DAAM1: variants seen among roughly 807,000 people sequenced by gnomAD.
DAAM1 encodes dishevelled associated activator of morphogenesis 1.
In DAAM1, 52 loss-of-function variants were observed where a neutral mutation model predicts 130.0. The observed-to-expected ratio is 0.40, with a 90% CI of 0.32 to 0.50. The LOEUF is 0.50. Ranked by LOEUF, DAAM1 falls within the 20% of genes least tolerant of loss-of-function variation. DAAM1 has a pLI of 0.61. For synonymous variants in DAAM1, 452 were observed against 444.5 expected (o/e 1.02, Z -0.21); for missense variants, 1,134 against 1,303.8 (o/e 0.87, Z 2.01).
chr14:59,360,723 C>A, intron 21 of DAAM1, 79 bp from the exon 22 acceptor site: 1 of 1,218,334 alleles, frequency 8.2e-7, no homozygotes, highest in Non-Finnish European at 1.1e-6. Context: ...GACTTCCAAG[C>A]GTGAAATATT....
chr14:59,358,450 G>C (rs1886570165), intron 20 of DAAM1, among the ~76,000 whole-genome samples: 1 of 152,198 alleles, frequency 6.6e-6, no homozygotes, highest in Admixed American at 6.5e-5. Context: ...AGGGCTGCTA[G>C]GATATCACAT....
intron 20 of DAAM1, chr14:59,357,453 G>A (rs1242600073): frequency 2.0e-5 from 3 of 152,114 alleles, no homozygotes; most frequent in Non-Finnish European, 4.4e-5. Flanking sequence ...GAATCACATG[G>A]GCAGATGACA....
intron 3 of DAAM1, among the ~76,000 whole-genome samples, chr14:59,293,168 G>A (rs1883816958): frequency 6.6e-6 from 1 of 152,178 alleles, no homozygotes; most frequent in African/African-American, 2.4e-5. Context: ...CAATACAAAG[G>A]AGGGATTGAG....
chr14:59,353,500 TTC>T (rs1299158689), intron 18 of DAAM1, among the ~76,000 whole-genome samples: 1 of 152,224 alleles, frequency 6.6e-6, no homozygotes, highest in Non-Finnish European at 1.5e-5. Flanking sequence ...CAGTAGGGTA[TTC>T]TTTACATTTT....
At chr14:59,266,165 AAAAAGAAAAAAAAAAGTCAACC>A (rs1882429595) in intron 2 of DAAM1, 3 of 152,180 alleles carry the variant, frequency 2.0e-5, no homozygotes, top group Non-Finnish European at 4.4e-5. Flanking sequence ...TTGGATTAAA[AAAAAGAAAAAAAAAAGTCAACC>A]AAAGGACATA....
Position 59,321,260 on chromosome 14 carries a change from C to T in DAAM1, c.440+676C>T, listed in dbSNP as rs188990245. Among the ~76,000 whole-genome samples, 44 of 152,222 alleles carry T rather than the reference C, an allele frequency of 2.9e-4. No individual in the cohort carries two copies. In the East Asian group the frequency reaches 7.9e-3, roughly 27 times the overall value. On this transcript the variant is annotated intron_variant, in intron 5 of 24. Coordinates refer to ENST00000360909, the MANE Select transcript of DAAM1 (RefSeq NM_001270520.2). ...ATTTATAAGAAATTCCCAGAATAGG[C>T]CAATCCATAGAAACAGAAAGTAGAT...
intron 1 of DAAM1, among the ~76,000 whole-genome samples, chr14:59,260,923 G>T (rs1399988596): frequency 1.3e-5 from 2 of 152,084 alleles, no homozygotes; most frequent in Non-Finnish European, 2.9e-5. Context: ...ATGTTTATGG[G>T]GCATGGAAAA....
chr14:59,294,701 T>C (rs1883885930), intron 3 of DAAM1, among the ~76,000 whole-genome samples: 2 of 152,092 alleles, frequency 1.3e-5, no homozygotes, highest in South Asian at 4.1e-4. Context: ...CAACATACTC[T>C]TTTGTTTAAA....
chr14:59,207,126 A>G (rs188666895), intron 1 of DAAM1, among the ~76,000 whole-genome samples: 7 of 152,352 alleles, frequency 4.6e-5, no homozygotes, highest in East Asian at 1.9e-4. Context: ...ACAGGTATCT[A>G]TATGTCTGCC....
intron 2 of DAAM1, among the ~76,000 whole-genome samples, chr14:59,280,008 G>A (rs767939590): frequency 8.5e-5 from 13 of 152,090 alleles, no homozygotes; most frequent in Admixed American, 5.9e-4. Flanking sequence ...GTTGTCATTA[G>A]GAAAACGTAA....
At chr14:59,347,206 G>A (rs1448256812) in intron 16 of DAAM1, among the ~76,000 whole-genome samples, 2 of 152,056 alleles carry the variant, frequency 1.3e-5, no homozygotes, top group African/African-American at 2.4e-5. Flanking sequence ...CTGTCCTCCC[G>A]CCTGCAGTTC....
chr14:59,259,586 G>T (rs987471170), intron 1 of DAAM1, among the ~76,000 whole-genome samples: 5 of 152,178 alleles, frequency 3.3e-5, no homozygotes, highest in Admixed American at 2.6e-4. Flanking sequence ...GTTTACCAAG[G>T]ATAAGATATG....
rs1887113134 is a variant in DAAM1 at position 59,370,250 on chromosome 14, T to C, written c.*1391T>C. The C allele has an allele frequency of 6.6e-6, 1 of 150,852 alleles. No individual in the cohort carries two copies. Among genetic ancestry groups the C allele is most frequent in the Non-Finnish European group, 1.5e-5 (1 of 67,760 alleles). The allele number at this position is 150,852 out of a possible 1,614,324, so 9.3% of individuals were successfully genotyped here. ...TTGATCCTGTTGTGGTTGGGTTTCCTGTGGAGAGAGTAGTTTGTCCTGTTG... is the reference window on the plus strand; with the variant it reads ...TTGATCCTGTTGTGGTTGGGTTTCCCGTGGAGAGAGTAGTTTGTCCTGTTG... On this transcript the variant is annotated 3_prime_UTR_variant, in exon 25 of 25. Coordinates refer to ENST00000360909, the MANE Select transcript of DAAM1 (RefSeq NM_001270520.2).
chr14:59,354,060 TGA>T, intron 19 of DAAM1, 96 bp downstream of exon 19: 1 of 1,201,498 alleles, frequency 8.3e-7, no homozygotes, highest in East Asian at 2.7e-5. Flanking sequence ...ATCCCCTTGG[TGA>T]TTTTTTTTTT....
At chr14:59,236,596 A>C (rs1242281559) in intron 1 of DAAM1, among the ~76,000 whole-genome samples, 1 of 152,098 alleles carries the variant, frequency 6.6e-6, no homozygotes, top group Non-Finnish European at 1.5e-5. Context: ...TTTCTAAAGA[A>C]TCACTCTTCC....
chr14:59,310,778 A>G lies in DAAM1; in HGVS notation c.274-4502A>G, dbSNP rs555101718. ...AGAGTGTGTCTTTCTTCCTTGACAGATATTATCTAAGAACCTCCTCAATTC... is the reference window on the plus strand; with the variant it reads ...AGAGTGTGTCTTTCTTCCTTGACAGGTATTATCTAAGAACCTCCTCAATTC... On this transcript the variant is annotated intron_variant, in intron 3 of 24. Transcript: ENST00000360909. 1.2e-4 allele frequency among the ~76,000 whole-genome samples: 18 copies of G among 152,282 alleles called. No homozygotes were observed. In the South Asian group the frequency reaches 3.7e-3, roughly 32 times the overall value.
intron 1 of DAAM1, among the ~76,000 whole-genome samples, chr14:59,258,120 C>T (rs1474834198): frequency 1.3e-5 from 2 of 152,202 alleles, no homozygotes; most frequent in African/African-American, 4.8e-5. Flanking sequence ...TCATTTTCAT[C>T]CCTCTTCCCT....
intron 15 of DAAM1, among the ~76,000 whole-genome samples, chr14:59,339,624 T>G (rs891806879): frequency 6.6e-6 from 1 of 152,302 alleles, no homozygotes. Flanking sequence ...GTTTTATCGT[T>G]TAGCTTTTTT....
intron 3 of DAAM1, among the ~76,000 whole-genome samples, chr14:59,292,462 G>A (rs886461210): frequency 6.6e-6 from 1 of 152,138 alleles, no homozygotes; most frequent in Middle Eastern, 3.4e-3. Context: ...CTCAATAAAG[G>A]GACTCTCTCT....
Sources: allele counts gnomAD v4.1 joint callset (sites outside exome capture counted in the v4.1 genomes callset), GRCh38; gene constraint gnomAD v4.1.1; transcripts MANE v1.5; gene names NCBI Gene and HGNC (gene_info 2026-07-23, HGNC 2026-07-21).